Variants in KTN1 observed in about 807,000 individuals in gnomAD.
KTN1 encodes the protein kinectin.
KTN1 carries 130 observed loss-of-function variants against 222.5 expected under a neutral mutation model. That is an observed-to-expected ratio of 0.58 (90% CI 0.51 to 0.68). The LOEUF (loss-of-function observed/expected upper bound fraction) is 0.68. KTN1 is among the 30% of genes least tolerant of loss of function. The probability of loss-of-function intolerance (pLI) is 0.00; values close to 1 mark genes in which losing one functional copy is unlikely to be tolerated. For synonymous variants in KTN1, 512 were observed against 496.3 expected, an observed-to-expected ratio of 1.03 and a Z score of -0.42; for missense variants, 1,508 against 1,500.4, an observed-to-expected ratio of 1.01 and a Z score of -0.08.
chr14:55,635,051 G>A (rs1348879798), intron 9 of KTN1, among the ~76,000 whole-genome samples: 2 of 152,138 alleles, frequency 1.3e-5, no homozygotes, highest in Non-Finnish European at 2.9e-5. Context: ...TGAGGTTTGG[G>A]TGGGGACACA....
Position 55,664,040 on chromosome 14 carries a change from A to G in KTN1, c.3176A>G (p.Lys1059Arg). Residue 1059 changes from lysine (K) to arginine (R), a missense_variant and splice_region_variant, in exon 33 of 44, where the codon AAG (lysine) becomes AGG (arginine). Transcript: ENST00000395314. ...MLQDKVNKTS[K>R]ERQQQVEAVE... The stretch of plus-strand genomic sequence containing the variant: ...CAGGACAAAGTGAACAAGACTTCCA[A>G]GGTTGTAATGCTAACTCCTAGAAAC... 6.2e-7 allele frequency: 1 copy of G among 1,603,468 alleles called. No individual in the cohort carries two copies. Among genetic ancestry groups the G allele is most frequent in the Non-Finnish European group, 8.5e-7 (1 of 1,171,270 alleles).
intron 2 of KTN1, among the ~76,000 whole-genome samples, chr14:55,614,520 G>A (rs947018604): frequency 1.3e-5 from 2 of 152,130 alleles, no homozygotes; most frequent in African/African-American, 2.4e-5. Context: ...CCTGTGAGCC[G>A]CATGTAGCCC....
intron 37 of KTN1, 148 bp downstream of exon 37, chr14:55,672,025 A>G (rs1459548339): frequency 3.2e-6 from 2 of 617,876 alleles, no homozygotes; most frequent in African/African-American, 1.9e-5. Context: ...CTGTGTTTTC[A>G]TGAGCCCTCC....
intron 19 of KTN1, among the ~76,000 whole-genome samples, chr14:55,647,712 A>G (rs1039037734): frequency 6.7e-6 from 1 of 150,016 alleles, no homozygotes; most frequent in African/African-American, 2.4e-5. Flanking sequence ...TGGGAGGCCA[A>G]GGCGGGTGGA....
At chr14:55,664,646 C>T (rs1257812370) in intron 33 of KTN1, among the ~76,000 whole-genome samples, 1 of 152,078 alleles carries the variant, frequency 6.6e-6, no homozygotes, top group African/African-American at 2.4e-5. Context: ...ATGTAAAGTA[C>T]TCCTGAAATA....
chr14:55,620,704 TAC>T (rs2039019623), intron 5 of KTN1, among the ~76,000 whole-genome samples: 1 of 152,282 alleles, frequency 6.6e-6, no homozygotes, highest in East Asian at 1.9e-4. Flanking sequence ...CTAGGCTACA[TAC>T]AGCAGGGGGG....
At chr14:55,660,972 A>C (rs930337561) in intron 31 of KTN1, among the ~76,000 whole-genome samples, 2 of 152,232 alleles carry the variant, frequency 1.3e-5, no homozygotes, top group African/African-American at 4.8e-5. Flanking sequence ...TAACAGAATC[A>C]AATTATGAAT....
chr14:55,627,039 T>C (rs1383977797), intron 5 of KTN1, among the ~76,000 whole-genome samples: 2 of 152,210 alleles, frequency 1.3e-5, no homozygotes, highest in Non-Finnish European at 2.9e-5. Flanking sequence ...GCCATGGGTA[T>C]ATTCTGACAG....
chr14:55,646,796 C>A (rs544531658), intron 18 of KTN1, among the ~76,000 whole-genome samples, 177 bp from the exon 19 acceptor site: 1 of 151,576 alleles, frequency 6.6e-6, no homozygotes, highest in Admixed American at 6.6e-5. Context: ...GTAGATGTAT[C>A]TCTTTGTTTT....
Position 55,612,426 on chromosome 14 carries a change from AG to A in KTN1, c.379del (p.Glu127SerfsTer17). The A allele has an allele frequency of 3.7e-6, 6 of 1,614,198 alleles. No homozygotes were observed. Among genetic ancestry groups the A allele is most frequent in the Non-Finnish European group, 5.1e-6 (6 of 1,180,020 alleles). ...AAAAGAAACAAAAGCCTGTGCTTGAAGAGCAGGTCATCAAAGAAAGTGACGC... is the reference window on the plus strand; with the variant it reads ...AAAAGAAACAAAAGCCTGTGCTTGAAAGCAGGTCATCAAAGAAAGTGACGC... ...KEKKQKPVLE[E>X]QVIKESDASK... On this transcript the variant is annotated frameshift_variant, in exon 2 of 44. Coordinates refer to ENST00000395314, the MANE Select transcript of KTN1 (RefSeq NM_001079521.2). LOFTEE classifies it high-confidence loss of function.
chr14:55,586,259 GT>G (rs1436573552), intron 1 of KTN1, among the ~76,000 whole-genome samples: 1 of 152,160 alleles, frequency 6.6e-6, no homozygotes, highest in East Asian at 1.9e-4. Flanking sequence ...CTTGAATTTA[GT>G]TTTGCTAGTC....
chr14:55,583,756 A>G (rs867233216), intron 1 of KTN1, among the ~76,000 whole-genome samples: 1 of 152,142 alleles, frequency 6.6e-6, no homozygotes, highest in Non-Finnish European at 1.5e-5. Context: ...GACTTTCCAC[A>G]TGTGCTGTTA....
At chr14:55,618,197 G>A in intron 4 of KTN1, 63 bp downstream of exon 4, 1 of 1,193,458 alleles carries the variant, frequency 8.4e-7, no homozygotes, top group Non-Finnish European at 1.2e-6. Flanking sequence ...TTCTGATGGA[G>A]TCATAGATTT....
rs56190231 is a variant in KTN1 at position 55,631,341 on chromosome 14, G to GATATATATATAT, written c.1221+1261_1221+1272dup. Among the ~76,000 whole-genome samples, 1,012 of 114,532 alleles carry GATATATATATAT rather than the reference G, an allele frequency of 8.8e-3. 23 individuals carry two copies. The highest frequency in any genetic ancestry group is 0.025 in the African/African-American group (672 of 27,408). The allele number at this position is 114,532 out of a possible 152,430, so 75.1% of individuals were successfully genotyped here. ...CTAAAACTCACCTATTGATAAGGTT[G>GATATATATATAT]ATATATATATATATATATATATATA... is the stretch of plus-strand genomic sequence containing the variant. On this transcript the variant is annotated intron_variant, in intron 7 of 43. Coordinates refer to ENST00000395314, the MANE Select transcript of KTN1 (RefSeq NM_001079521.2).
chr14:55,641,132 A>G lies in KTN1; in HGVS notation c.2027A>G (p.Tyr676Cys), dbSNP rs1191190940. 6.4e-7 allele frequency: 1 copy of G among 1,574,166 alleles called. No individual in the cohort carries two copies. Among genetic ancestry groups the G allele is most frequent in the Admixed American group, 1.9e-5 (1 of 53,264 alleles). Reference sequence around the variant, plus strand: ...TTTTTTTTTCACCCTCATAGTGTTTATGTTAAAGATGATAAAATAAGATTG... The same window carrying G: ...TTTTTTTTTCACCCTCATAGTGTTTGTGTTAAAGATGATAAAATAAGATTG... ...HELEKMQQSV[Y>C]VKDDKIRLLE... Residue 676 changes from tyrosine (Y) to cysteine (C), a missense_variant, in exon 17 of 44, where the codon TAT (tyrosine) becomes TGT (cysteine). Physicochemically the swap from Tyr to Cys is radical, Grantham distance 194. Coordinates refer to ENST00000395314, the MANE Select transcript of KTN1 (RefSeq NM_001079521.2).
Position 55,616,541 on chromosome 14 carries a change from C to T in KTN1, c.548C>T (p.Thr183Ile). The T allele has an allele frequency of 6.3e-7, 1 of 1,588,206 alleles. No individual in the cohort carries two copies. The highest frequency in any genetic ancestry group is 2.3e-5 in the East Asian group (1 of 44,382). ...GATGACCAGGATAAAAAGGTGGAAA[C>T]TCTCATGGTACCATCAAAAAGGCAA... ...GSDDQDKKVE[T>I]LMVPSKRQEA... Residue 183 changes from threonine to isoleucine, a missense_variant, in exon 3 of 44, where the codon ACT becomes ATT. Transcript: ENST00000395314.
At chr14:55,664,665 C>G (rs958414349) in intron 33 of KTN1, among the ~76,000 whole-genome samples, 1 of 152,068 alleles carries the variant, frequency 6.6e-6, no homozygotes, top group Non-Finnish European at 1.5e-5. Flanking sequence ...TATATAGCCC[C>G]CTCTGTCTTC....
intron 21 of KTN1, 95 bp from the exon 22 acceptor site, chr14:55,649,681 A>G: frequency 1.4e-6 from 1 of 735,558 alleles, no homozygotes; most frequent in South Asian, 1.7e-5. Context: ...TTGGATTTTG[A>G]TTGTATTGGA....
intron 6 of KTN1, among the ~76,000 whole-genome samples, chr14:55,629,664 A>G (rs1295456245): frequency 6.6e-6 from 1 of 152,200 alleles, no homozygotes; most frequent in Non-Finnish European, 1.5e-5. Flanking sequence ...GTTAGAATGT[A>G]GGATTTATTC....
Sources: gnomAD v4.1 joint callset for allele counts (sites outside exome capture counted in the v4.1 genomes callset) on GRCh38, gnomAD v4.1.1 for gene constraint, MANE v1.5 for transcripts, NCBI Gene and HGNC (gene_info 2026-07-23, HGNC 2026-07-21) for gene names.